Variants in SIL1 observed in about 807,000 individuals in gnomAD.
The protein encoded by SIL1 is nucleotide exchange factor SIL1.
A neutral mutation model predicts 49.1 loss-of-function variants in SIL1; 40 were observed. That is an observed-to-expected ratio of 0.81 (90% confidence interval 0.63 to 1.06). The LOEUF is 1.06. Among genes scored for constraint, SIL1 ranks in the 50% least tolerant of loss-of-function variants. SIL1 has a pLI of 0.00. For synonymous variants in SIL1, 253 were observed against 250.8 expected (o/e 1.01, Z -0.08); for missense variants, 500 against 572.6 (o/e 0.87, Z 1.29).
At chr5:139,079,607 T>C (rs555505958) in intron 3 of SIL1, among the ~76,000 whole-genome samples, 16 of 152,326 alleles carry the variant, frequency 1.1e-4, no homozygotes, top group Admixed American at 8.5e-4. Flanking sequence ...GAAGACAGGA[T>C]AGAAAATAAC....
At chr5:139,112,052 G>A (rs1310557565) in intron 3 of SIL1, among the ~76,000 whole-genome samples, 1 of 152,246 alleles carries the variant, frequency 6.6e-6, no homozygotes, top group African/African-American at 2.4e-5. Flanking sequence ...TCGCTGTGTT[G>A]GCCGGGCTGG....
At chr5:139,117,084 G>C (rs1021215503) in intron 3 of SIL1, among the ~76,000 whole-genome samples, 1 of 152,216 alleles carries the variant, frequency 6.6e-6, no homozygotes, top group South Asian at 2.1e-4. Flanking sequence ...CCCTGGCCTT[G>C]CCATACCATC....
At chr5:138,997,974 G>A (rs979235451) in intron 7 of SIL1, among the ~76,000 whole-genome samples, 4 of 152,090 alleles carry the variant, frequency 2.6e-5, no homozygotes, top group Admixed American at 1.3e-4. Context: ...TTTTAGAATC[G>A]TCTCTTTTAT....
At chr5:138,977,142 C>T (rs906282395) in intron 7 of SIL1, among the ~76,000 whole-genome samples, 1 of 152,222 alleles carries the variant, frequency 6.6e-6, no homozygotes, top group Non-Finnish European at 1.5e-5. Context: ...TGGCCAAAGA[C>T]AGCCCCAGCA....
chr5:139,157,246 T>A (rs1475545205), intron 1 of SIL1, among the ~76,000 whole-genome samples: 1 of 152,202 alleles, frequency 6.6e-6, no homozygotes, highest in Non-Finnish European at 1.5e-5. Flanking sequence ...AACAAAGGTT[T>A]TCATCTAATT....
chr5:139,120,916 GC>G (rs1319624792), intron 3 of SIL1, 118 bp downstream of exon 3: 2 of 1,272,480 alleles, frequency 1.6e-6, no homozygotes, highest in Non-Finnish European at 2.2e-6. Context: ...GACGGACCAT[GC>G]TGTTTCCCTC....
At position 139,056,796 on chromosome 5, in the gene SIL1, C is replaced by T. The variant is rs1334368948; in HGVS notation, c.245-5750G>A. On this transcript the variant is annotated intron_variant, in intron 3 of 9. Transcript: ENST00000394817. ...GAAGTGAGGAGCCCCTCTGCCCGGC[C>T]ACCACCCCGTCTGGGAGGTGTACCC... 1.2e-4 allele frequency among the ~76,000 whole-genome samples: 18 copies of T among 151,838 alleles called. No homozygotes were observed. The East Asian group carries it at 3.5e-3, about 30-fold the overall frequency.
chr5:139,045,450 C>T (rs1319250036), intron 4 of SIL1, among the ~76,000 whole-genome samples: 2 of 152,136 alleles, frequency 1.3e-5, no homozygotes, highest in Non-Finnish European at 2.9e-5. Context: ...GCTGGTTCCT[C>T]ATCTCCTACC....
chr5:138,967,965 C>T (rs1025214695), intron 7 of SIL1, among the ~76,000 whole-genome samples: 1 of 152,088 alleles, frequency 6.6e-6, no homozygotes, highest in Non-Finnish European at 1.5e-5. Context: ...AAGAGCAAGA[C>T]GACTAAGGGA....
chr5:139,082,683 A>G (rs1770110942), intron 3 of SIL1, among the ~76,000 whole-genome samples: 1 of 152,178 alleles, frequency 6.6e-6, no homozygotes, highest in East Asian at 1.9e-4. Context: ...CCACACTTCA[A>G]TTACTTGGTG....
At chr5:139,068,804 A>G (rs1336401042) in intron 3 of SIL1, among the ~76,000 whole-genome samples, 1 of 152,170 alleles carries the variant, frequency 6.6e-6, no homozygotes, top group Non-Finnish European at 1.5e-5. Context: ...CAATAAAATT[A>G]TAATAAAAAG....
intron 3 of SIL1, among the ~76,000 whole-genome samples, chr5:139,100,898 G>A (rs541822354): frequency 6.6e-6 from 1 of 152,010 alleles, no homozygotes; most frequent in East Asian, 1.9e-4. Context: ...TGGATCTGAA[G>A]TTCAGAGAAG....
chr5:139,071,027 G>A (rs1339749017), intron 3 of SIL1, among the ~76,000 whole-genome samples: 1 of 152,074 alleles, frequency 6.6e-6, no homozygotes, highest in Non-Finnish European at 1.5e-5. Context: ...ACTGCCTATA[G>A]TTTTCCCAAA....
intron 1 of SIL1, among the ~76,000 whole-genome samples, chr5:139,170,646 G>A (rs1445199752): frequency 6.8e-6 from 1 of 148,044 alleles, no homozygotes; most frequent in Non-Finnish European, 1.5e-5. Flanking sequence ...CGCCCCATCT[G>A]AGAAGTGAGG....
chr5:139,149,569 C>T (rs1322631948), intron 1 of SIL1, among the ~76,000 whole-genome samples: 1 of 152,144 alleles, frequency 6.6e-6, no homozygotes, highest in African/African-American at 2.4e-5. Flanking sequence ...GGAAAATCGG[C>T]AATTACAGCA....
chr5:139,194,926 G>C (rs1752236371), intron 1 of SIL1, among the ~76,000 whole-genome samples: 2 of 151,118 alleles, frequency 1.3e-5, no homozygotes, highest in South Asian at 4.2e-4. Flanking sequence ...CTTCCTTTCA[G>C]AGCCTTTTTT....
At chr5:139,119,412 G>A (rs1750559151) in intron 3 of SIL1, among the ~76,000 whole-genome samples, 1 of 152,222 alleles carries the variant, frequency 6.6e-6, no homozygotes, top group Non-Finnish European at 1.5e-5. Context: ...TAGAGTAGGA[G>A]TCGAGGCCAC....
chr5:139,124,505 C>T (rs1186202844), intron 2 of SIL1, among the ~76,000 whole-genome samples: 1 of 152,136 alleles, frequency 6.6e-6, no homozygotes, highest in East Asian at 1.9e-4. Flanking sequence ...AAAATTGGTT[C>T]TCCCCTATCT....
chr5:138,959,743 C>A lies in SIL1; in HGVS notation c.768-7859G>T, dbSNP rs60100448. ...ATCCCTACAGTGGTGGTGCCCAAACCTACCCTCAGGGATCCAGGCTGGACA... is the reference window on the plus strand; with the variant it reads ...ATCCCTACAGTGGTGGTGCCCAAACATACCCTCAGGGATCCAGGCTGGACA... On this transcript the variant is annotated intron_variant, in intron 7 of 9. Transcript: ENST00000394817. Among the ~76,000 whole-genome samples the A allele has an allele frequency of 4.3e-3, 662 of 152,358 alleles. 4 individuals carry two copies. The highest frequency in any genetic ancestry group is 0.015 in the African/African-American group (640 of 41,586).
Sources: allele counts gnomAD v4.1 joint callset (sites outside exome capture counted in the v4.1 genomes callset), GRCh38; gene constraint gnomAD v4.1.1; transcripts MANE v1.5; gene names NCBI Gene and HGNC (gene_info 2026-07-23, HGNC 2026-07-21).